The following DAB1 variants were observed in gnomAD, a reference collection of about 807,000 sequenced individuals.
DAB1 encodes disabled homolog 1.
Under a neutral mutation model 64.6 loss-of-function variants are expected in DAB1, and 15 were observed. The ratio of observed to expected loss-of-function variants is 0.23; its 90% confidence interval spans 0.16 to 0.36. The LOEUF (loss-of-function observed/expected upper bound fraction) is 0.36. Ranked by LOEUF, DAB1 falls within the 10% of genes least tolerant of loss-of-function variation. DAB1 has a pLI of 1.00. For synonymous variants in DAB1, 235 were observed against 251.9 expected, an observed-to-expected ratio of 0.93 and a Z score of 0.64; for missense variants, 596 against 706.7, an observed-to-expected ratio of 0.84 and a Z score of 1.78.
At position 58,323,094 on chromosome 1, in the gene DAB1, G is replaced by A. The variant is rs184343847; in HGVS notation, n.309+20258C>T. Among the ~76,000 whole-genome samples the A allele has an allele frequency of 4.3e-3, 646 of 151,324 alleles. 3 individuals carry two copies. The highest frequency in any genetic ancestry group is 6.6e-3 in the Non-Finnish European group (448 of 67,866). On this transcript the variant is annotated intron_variant and non_coding_transcript_variant, in intron 4 of 20. Coordinates refer to the DAB1 transcript ENST00000485760. Reference sequence around the variant, plus strand: ...ATCACACATGCGTTCCTATTGTGGGGTGGGGGGCAGGGGGAGGGATAGCAG... The same window carrying A: ...ATCACACATGCGTTCCTATTGTGGGATGGGGGGCAGGGGGAGGGATAGCAG...
upstream of DAB1, among the ~76,000 whole-genome samples, chr1:57,888,543 C>T (rs566637674): frequency 4.5e-4 from 69 of 152,070 alleles, no homozygotes; most frequent in African/African-American, 1.6e-3. Context: ...AATTTTTGGC[C>T]AATTGAAAAA....
intron 1 of DAB1, among the ~76,000 whole-genome samples, chr1:57,857,659 A>G (rs910222359): frequency 2.0e-5 from 3 of 152,162 alleles, no homozygotes; most frequent in African/African-American, 7.2e-5. Context: ...TATAAGATGG[A>G]CGTAGGCAGG....
At chr1:57,845,735 A>C (rs1653250719) in intron 1 of DAB1, among the ~76,000 whole-genome samples, 1 of 152,208 alleles carries the variant, frequency 6.6e-6, no homozygotes, top group Non-Finnish European at 1.5e-5. Flanking sequence ...TGATGAATAT[A>C]TGTCAAATGA....
chr1:57,130,476 T>C (rs1339073304), intron 4 of DAB1, among the ~76,000 whole-genome samples: 2 of 152,178 alleles, frequency 1.3e-5, no homozygotes, highest in Admixed American at 1.3e-4. Context: ...CACTGTAGCA[T>C]TATTCATGAT....
At chr1:57,556,536 C>T (rs1338344174) in intron 7 of DAB1, among the ~76,000 whole-genome samples, 9 of 151,834 alleles carry the variant, frequency 5.9e-5, no homozygotes, top group African/African-American at 2.2e-4. Flanking sequence ...ATTAGTGATG[C>T]TGAGCATTTT....
chr1:57,832,489 T>C (rs1484144431), intron 1 of DAB1, among the ~76,000 whole-genome samples: 1 of 152,206 alleles, frequency 6.6e-6, no homozygotes, highest in African/African-American at 2.4e-5. Flanking sequence ...GAACAGCCTA[T>C]GAGAATGGTA....
intron 5 of DAB1, among the ~76,000 whole-genome samples, chr1:58,084,023 G>A (rs748653100): frequency 6.6e-6 from 1 of 152,196 alleles, no homozygotes; most frequent in Non-Finnish European, 1.5e-5. Context: ...CCAGAGAAGG[G>A]AAGCAGGGAA....
intron 4 of DAB1, among the ~76,000 whole-genome samples, chr1:58,239,389 A>C (rs963570157): frequency 2.0e-5 from 3 of 152,234 alleles, no homozygotes; most frequent in African/African-American, 7.2e-5. Flanking sequence ...ACTTGGAGGA[A>C]GAAAGGACAT....
Position 57,833,823 on chromosome 1 carries a change from G to A in DAB1, n.88-7368C>T, listed in dbSNP as rs555317336. The stretch of plus-strand genomic sequence containing the variant: ...AGGAGAGGCCAGTAAAATGAGGAAA[G>A]AAACTCATTTTGTTCAGACTTGTTT... On this transcript the variant is annotated intron_variant and non_coding_transcript_variant, in intron 1 of 1. Coordinates refer to the DAB1 transcript ENST00000477280. Among the ~76,000 whole-genome samples the A allele has an allele frequency of 2.6e-5, 4 of 152,292 alleles. No individual in the cohort carries two copies. The South Asian group carries it at 8.3e-4, about 32-fold the overall frequency.
At chr1:57,893,521 C>A (rs543252909) in intron 5 of DAB1, among the ~76,000 whole-genome samples, 12 of 152,182 alleles carry the variant, frequency 7.9e-5, no homozygotes, top group African/African-American at 2.9e-4. Flanking sequence ...CTGGTCCCTG[C>A]CCTCAGGAAG....
At chr1:57,875,849 A>T (rs1644036519) in intron 1 of DAB1, among the ~76,000 whole-genome samples, 1 of 152,332 alleles carries the variant, frequency 6.6e-6, no homozygotes, top group Non-Finnish European at 1.5e-5. Flanking sequence ...ATTTAAAGTC[A>T]ATATGAAATT....
intron 4 of DAB1, among the ~76,000 whole-genome samples, chr1:57,130,009 G>A (rs1426434383): frequency 6.6e-6 from 1 of 151,720 alleles, no homozygotes; most frequent in East Asian, 2.0e-4. Flanking sequence ...AGGCCTGGCC[G>A]ATACAACAAT....
At chr1:57,239,140 G>A (rs1017794308) in intron 2 of DAB1, among the ~76,000 whole-genome samples, 1 of 151,874 alleles carries the variant, frequency 6.6e-6, no homozygotes, top group Non-Finnish European at 1.5e-5. Context: ...CCAGTCTTTT[G>A]GCCCACATAG....
At chr1:57,877,342 CG>C (rs1366517932) in intron 1 of DAB1, among the ~76,000 whole-genome samples, 1 of 152,002 alleles carries the variant, frequency 6.6e-6, no homozygotes, top group African/African-American at 2.4e-5. Context: ...CCTGAGTTTG[CG>C]TAAGTCTTGA....
chr1:58,096,789 C>A (rs1289153590), intron 5 of DAB1, among the ~76,000 whole-genome samples: 1 of 152,260 alleles, frequency 6.6e-6, no homozygotes, highest in African/African-American at 2.4e-5. Flanking sequence ...ATGGACCATA[C>A]ATGGAGGGCT....
At chr1:58,259,502 AT>A (rs1661003983) in intron 4 of DAB1, among the ~76,000 whole-genome samples, 1 of 152,168 alleles carries the variant, frequency 6.6e-6, no homozygotes, top group Admixed American at 6.5e-5. Context: ...GTGTGCATCC[AT>A]TCCTTTGGAC....
chr1:57,142,631 TACAC>T (rs35559563), intron 3 of DAB1, among the ~76,000 whole-genome samples: 4 of 42,386 alleles, frequency 9.4e-5, no homozygotes, highest in African/African-American at 3.5e-4. Context: ...CACACACACA[TACAC>T]ACACACACAC....
chr1:57,784,045 G>A (rs1217189206), intron 6 of DAB1, among the ~76,000 whole-genome samples: 1 of 152,126 alleles, frequency 6.6e-6, no homozygotes, highest in Non-Finnish European at 1.5e-5. Context: ...ACTAGAAATG[G>A]TTAAGCTTAG....
At chr1:57,016,043 A>G (rs776370520) in intron 11 of DAB1, among the ~76,000 whole-genome samples, 1 of 152,152 alleles carries the variant, frequency 6.6e-6, no homozygotes, top group Non-Finnish European at 1.5e-5. Context: ...ATGGGTATAA[A>G]CACCTTCTAT....
Sources: gnomAD v4.1 joint callset for allele counts (sites outside exome capture counted in the v4.1 genomes callset) on GRCh38, gnomAD v4.1.1 for gene constraint, MANE v1.5 for transcripts, NCBI Gene and HGNC (gene_info 2026-07-23, HGNC 2026-07-21) for gene names.